Variants in CCDC102B observed in about 807,000 individuals in gnomAD.
CCDC102B encodes coiled-coil domain containing 102B.
In CCDC102B, 75 loss-of-function variants were observed where a neutral mutation model predicts 57.4. That is an observed-to-expected ratio of 1.31 (90% CI 1.08 to 1.58). The LOEUF is 1.58. CCDC102B is among the 40% of genes most tolerant of loss of function. CCDC102B has a pLI of 0.00. For missense variants in CCDC102B, 636 were observed against 582.6 expected (o/e 1.09, Z -0.94); for synonymous variants, 206 against 201.9 (o/e 1.02, Z -0.17).
chr18:69,042,121 CGAAT>C (rs1385102168), intron 7 of CCDC102B, among the ~76,000 whole-genome samples: 1 of 151,770 alleles, frequency 6.6e-6, no homozygotes, highest in Non-Finnish European at 1.5e-5. Flanking sequence ...AAGGGTGGAA[CGAAT>C]GAAGGAGGAG....
intron 6 of CCDC102B, among the ~76,000 whole-genome samples, chr18:68,937,717 T>C (rs2049278489): frequency 1.3e-5 from 2 of 152,028 alleles, no homozygotes; most frequent in African/African-American, 4.8e-5. Flanking sequence ...GTCACCTACA[T>C]TAGGTATTTC....
At chr18:68,942,828 G>T (rs12957016) in intron 6 of CCDC102B, among the ~76,000 whole-genome samples, 1 of 146,824 alleles carries the variant, frequency 6.8e-6, no homozygotes, top group Non-Finnish European at 1.5e-5. Context: ...ACAGGTGTCG[G>T]GCTGGGGTAC....
chr18:68,849,630 C>A (rs913213309), intron 4 of CCDC102B, among the ~76,000 whole-genome samples: 2 of 152,096 alleles, frequency 1.3e-5, no homozygotes, highest in Non-Finnish European at 2.9e-5. Flanking sequence ...TGAAACACTT[C>A]AGTGAATTAT....
At chr18:68,998,943 CAATGTT>C (rs912985032) in intron 6 of CCDC102B, among the ~76,000 whole-genome samples, 83 of 146,768 alleles carry the variant, frequency 5.7e-4, no homozygotes, top group African/African-American at 2.1e-3. Flanking sequence ...AGTTGACACT[CAATGTT>C]AATAATCACA....
intron 6 of CCDC102B, among the ~76,000 whole-genome samples, chr18:68,948,274 CTT>C (rs1379053867): frequency 7.2e-5 from 11 of 151,890 alleles, no homozygotes; most frequent in Non-Finnish European, 1.5e-4. Flanking sequence ...ATTTCTGTGA[CTT>C]TTATTTTTCT....
intron 2 of CCDC102B, among the ~76,000 whole-genome samples, chr18:68,744,688 A>G (rs910109818): frequency 6.6e-6 from 1 of 152,148 alleles, no homozygotes; most frequent in African/African-American, 2.4e-5. Flanking sequence ...ACGCCTCTCA[A>G]TGATTCCCCG....
intron 7 of CCDC102B, among the ~76,000 whole-genome samples, chr18:69,043,470 G>C (rs1199264115): frequency 6.6e-6 from 1 of 152,030 alleles, no homozygotes; most frequent in Admixed American, 6.6e-5. Flanking sequence ...CTATCACATG[G>C]GGAGAAACCT....
chr18:68,988,556 CA>C (rs201769629), intron 6 of CCDC102B, among the ~76,000 whole-genome samples: 1 of 120,994 alleles, frequency 8.3e-6, no homozygotes, highest in Non-Finnish European at 1.7e-5. Context: ...GTTGAAATTA[CA>C]AAAAAAAACA....
At chr18:68,717,010 G>A (rs972666407) in intron 2 of CCDC102B, among the ~76,000 whole-genome samples, 10 of 151,232 alleles carry the variant, frequency 6.6e-5, no homozygotes, top group African/African-American at 1.2e-4. Context: ...CCAAGAGGCC[G>A]AGCTTGCAGT....
At chr18:68,926,344 T>A (rs1409614531) in intron 6 of CCDC102B, among the ~76,000 whole-genome samples, 1 of 151,840 alleles carries the variant, frequency 6.6e-6, no homozygotes, top group Non-Finnish European at 1.5e-5. Flanking sequence ...AAAGCTAAAT[T>A]GTCTATTATG....
intron 7 of CCDC102B, among the ~76,000 whole-genome samples, chr18:69,047,621 A>T (rs2052600666): frequency 6.6e-6 from 1 of 152,086 alleles, no homozygotes; most frequent in Non-Finnish European, 1.5e-5. Context: ...AGATGACGTG[A>T]TTCTATATCT....
At chr18:68,792,454 G>C (rs767624696) in intron 2 of CCDC102B, among the ~76,000 whole-genome samples, 15 of 152,110 alleles carry the variant, frequency 9.9e-5, no homozygotes, top group Non-Finnish European at 1.9e-4. Context: ...TTTACTTAAT[G>C]TTCATATTTA....
chr18:68,993,876 C>T (rs8085022), intron 6 of CCDC102B, among the ~76,000 whole-genome samples: 130,364 of 152,156 alleles, frequency 0.86, 57,843 homozygotes, highest in Non-Finnish European at 0.97. Flanking sequence ...CAATTGTTTG[C>T]GCCAACTTAC....
intron 6 of CCDC102B, among the ~76,000 whole-genome samples, chr18:68,953,667 G>A (rs368592350): frequency 1.3e-3 from 204 of 151,976 alleles, no homozygotes; most frequent in African/African-American, 4.7e-3. Context: ...TTTAACACTG[G>A]AAAATTTGAG....
Position 68,975,850 on chromosome 18 carries a change from T to TA in CCDC102B, c.1264-35070dup, listed in dbSNP as rs750348084. On this transcript the variant is annotated intron_variant, in intron 6 of 7. Transcript: ENST00000360242. ...ACACCCCAGTAGTGCCACTTTCATT[T>TA]AAAAAAAAAAAAAAGCGTCTACCTG... 4.9e-3 allele frequency among the ~76,000 whole-genome samples: 690 copies of TA among 140,148 alleles called. 5 individuals carry two copies. The highest frequency in any genetic ancestry group is 0.013 in the African/African-American group (514 of 38,330). 91.9% of individuals were successfully genotyped at this position (140,148 alleles called of 152,430 possible).
At chr18:68,958,533 A>T (rs1347171202) in intron 6 of CCDC102B, among the ~76,000 whole-genome samples, 1 of 152,156 alleles carries the variant, frequency 6.6e-6, no homozygotes, top group African/African-American at 2.4e-5. Context: ...ATCAATCATC[A>T]TCAGAGATAT....
intron 6 of CCDC102B, among the ~76,000 whole-genome samples, chr18:68,973,134 GT>G (rs1439957981): frequency 2.0e-5 from 3 of 152,086 alleles, no homozygotes; most frequent in Non-Finnish European, 4.4e-5. Context: ...TCCTTAAATA[GT>G]CTGACTGAAT....
At chr18:68,893,328 G>A (rs2040141511) in intron 5 of CCDC102B, among the ~76,000 whole-genome samples, 1 of 152,118 alleles carries the variant, frequency 6.6e-6, no homozygotes, top group Admixed American at 6.5e-5. Flanking sequence ...CTCATCTGTA[G>A]GTTATTTTAT....
At chr18:68,896,847 A>G (rs550617134) in intron 5 of CCDC102B, among the ~76,000 whole-genome samples, 1 of 152,156 alleles carries the variant, frequency 6.6e-6, no homozygotes, top group South Asian at 2.1e-4. Flanking sequence ...TAAATGAAAT[A>G]TATCCAATCA....
Sources: allele counts gnomAD v4.1 joint callset (sites outside exome capture counted in the v4.1 genomes callset), GRCh38; gene constraint gnomAD v4.1.1; transcripts MANE v1.5; gene names NCBI Gene and HGNC (gene_info 2026-07-23, HGNC 2026-07-21).